DMD: variants seen among roughly 807,000 people sequenced by gnomAD.
The protein encoded by DMD is mutant dystrophin.
Under a neutral mutation model 330.1 loss-of-function variants are expected in DMD, and 63 were observed. The ratio of observed to expected loss-of-function variants is 0.19; its 90% CI spans 0.16 to 0.24. The LOEUF (loss-of-function observed/expected upper bound fraction) is 0.24, where lower values mean the gene tolerates loss of function less well. Among genes scored for constraint, DMD ranks in the 10% least tolerant of loss-of-function variants. The pLI is 1.00. For synonymous variants in DMD, 1,223 were observed against 959.8 expected (o/e 1.27, Z -5.07); for missense variants, 3,344 against 2,684.1 (o/e 1.25, Z -5.43).
intron 43 of DMD, among the ~76,000 whole-genome samples, chrX:32,252,677 AATATATAAATAT>A (rs1226095148): frequency 3.0e-5 from 1 of 33,576 alleles, no homozygotes; most frequent in Non-Finnish European, 4.8e-5. Context: ...TATATATATA[AATATATAAATAT>A]ATATATAAAT....
At chrX:32,407,838 C>T (rs1320092949) in intron 30 of DMD, among the ~76,000 whole-genome samples, 4 of 107,971 alleles carry the variant, frequency 3.7e-5, no homozygotes, top group Admixed American at 2.0e-4. Context: ...ATGGATGAAG[C>T]TGGAAACCAT....
rs1601918525 is a variant in DMD, at chrX:31,120,575, A to G, written c.*1344T>C. The G allele has an allele frequency of 8.9e-6, 1 of 112,026 alleles. No homozygotes were observed. Among genetic ancestry groups the G allele is most frequent in the East Asian group, 2.8e-4 (1 of 3,566 alleles). 9.2% of individuals were successfully genotyped at this position (112,026 alleles called of 1,213,427 possible). A position where few individuals can be genotyped will look rare whatever the true frequency, so the allele number is the denominator to read the frequency against. The stretch of plus-strand genomic sequence containing the variant: ...AATCTAAAAAAGCAACAAAAACCAA[A>G]CCACCCAGTTCCTTTTGACTGTGAG... On this transcript the variant is annotated 3_prime_UTR_variant, in exon 79 of 79. Coordinates refer to ENST00000357033, the MANE Select transcript of DMD (RefSeq NM_004006.3).
intron 55 of DMD, among the ~76,000 whole-genome samples, chrX:31,530,889 T>C (rs1242490315): frequency 4.8e-5 from 3 of 62,824 alleles, no homozygotes; most frequent in African/African-American, 1.3e-4. Context: ...TGTGATCTCA[T>C]TGTTCAATTC....
In DMD at chrX:32,844,822, G is replaced by C. The variant is rs770415559; in HGVS notation, c.225C>G (p.Asn75Lys). The C allele has an allele frequency of 8.3e-7, 1 of 1,211,498 alleles. No individual in the cohort carries two copies. The highest frequency in any genetic ancestry group is 1.1e-6 in the Non-Finnish European group (1 of 895,213). The change falls in exon 4 of 79, where the codon AAC (asparagine) becomes AAG (lysine). Residue 75 changes from asparagine to lysine, a missense_variant. Coordinates refer to ENST00000357033, the MANE Select transcript of DMD (RefSeq NM_004006.3). ...EKGSTRVHAL[N>K]NVNKALRVLQ... The stretch of plus-strand genomic sequence containing the variant: ...AAACCCGCAGTGCCTTGTTGACATT[G>C]TTCAGGGCATGAACTCTTGTGGATC...
intron 2 of DMD, among the ~76,000 whole-genome samples, chrX:32,926,162 T>G (rs1165026163): frequency 8.9e-6 from 1 of 111,887 alleles, no homozygotes; most frequent in Non-Finnish European, 1.9e-5. Flanking sequence ...TGGATAATCC[T>G]GGAGGAAGTT....
chrX:32,945,351 G>GT (rs1475890352), intron 2 of DMD, among the ~76,000 whole-genome samples: 2 of 110,748 alleles, frequency 1.8e-5, no homozygotes, highest in East Asian at 2.8e-4. Flanking sequence ...TTATTTCTAG[G>GT]TTTTTTCTTT....
At chrX:31,973,645 T>C (rs1183003766) in intron 44 of DMD, among the ~76,000 whole-genome samples, 1 of 111,329 alleles carries the variant, frequency 9.0e-6, no homozygotes, top group Non-Finnish European at 1.9e-5. Flanking sequence ...TCCTTGACGA[T>C]ACTGTTAAGT....
At chrX:32,887,037 A>T (rs2084656834) in intron 2 of DMD, among the ~76,000 whole-genome samples, 1 of 111,919 alleles carries the variant, frequency 8.9e-6, no homozygotes, top group Non-Finnish European at 1.9e-5. Context: ...CTTCCATTCA[A>T]TTGGGAATAT....
At chrX:32,034,300 G>A (rs1481926913) in intron 44 of DMD, among the ~76,000 whole-genome samples, 2 of 111,631 alleles carry the variant, frequency 1.8e-5, no homozygotes, top group African/African-American at 6.5e-5. Flanking sequence ...AACAAATTTA[G>A]CTTTAGAAAA....
At position 31,198,023 on chromosome X, in the gene DMD, TA is replaced by T. The variant is rs61065027; in HGVS notation, c.9807+5937del. ...CATGTTCTCACTCATGTGTGGGAGC[TA>T]AAAAAAAAAAAAAAAAAAAAAATTG... On this transcript the variant is annotated intron_variant, in intron 67 of 78. Coordinates refer to ENST00000357033, the MANE Select transcript of DMD (RefSeq NM_004006.3). Among the ~76,000 whole-genome samples the T allele has an allele frequency of 4.9e-3, 316 of 64,876 alleles. 4 individuals are homozygous for T. Among genetic ancestry groups the T allele is most frequent in the African/African-American group, 0.017 (284 of 17,121 alleles). The allele number at this position is 64,876 out of a possible 115,157, so 56.3% of individuals were successfully genotyped here. A position where few individuals can be genotyped will look rare whatever the true frequency, so the allele number is the denominator to read the frequency against.
At chrX:32,691,619 A>AC (rs2063287955) in intron 9 of DMD, among the ~76,000 whole-genome samples, 1 of 111,133 alleles carries the variant, frequency 9.0e-6, no homozygotes, top group South Asian at 3.8e-4. Flanking sequence ...AAAATTAAAA[A>AC]CAGAACTCCC....
intron 47 of DMD, among the ~76,000 whole-genome samples, chrX:31,904,651 C>T (rs1290041589): frequency 1.8e-5 from 2 of 111,514 alleles, no homozygotes; most frequent in Non-Finnish European, 3.8e-5. Flanking sequence ...AGACTACAGT[C>T]CAATAACCCA....
intron 4 of DMD, among the ~76,000 whole-genome samples, chrX:32,838,175 CTG>C (rs1376397312): frequency 1.4e-4 from 16 of 111,746 alleles, no homozygotes; most frequent in African/African-American, 3.6e-4. Flanking sequence ...TCGTTATTGA[CTG>C]TAACTTTCTT....
Position 31,177,931 on chromosome X carries a change from C to T in DMD, c.10262+1G>A, listed in dbSNP as rs145603325. 168 of 1,204,431 alleles carry T rather than the reference C, an allele frequency of 1.4e-4. No homozygotes were observed. The African/African-American group carries it at 1.9e-3, about 13-fold the overall frequency. ...CACCCTTCAGCAAAAAAAGTACTCA[C>T]GCAGAATCTACTGGCCAGAAGTTGA... On this transcript the variant is annotated splice_donor_variant, in intron 71 of 78. Transcript: ENST00000357033. LOFTEE classifies it high-confidence loss of function.
intron 1 of DMD, among the ~76,000 whole-genome samples, chrX:33,327,840 C>T (rs190108444): frequency 2.7e-5 from 3 of 111,789 alleles, no homozygotes; most frequent in Non-Finnish European, 1.9e-5. Flanking sequence ...CACTTAGGCT[C>T]AGCTTCTAGA....
chrX:32,741,022 C>T (rs1304405895), intron 7 of DMD, among the ~76,000 whole-genome samples: 2 of 111,341 alleles, frequency 1.8e-5, no homozygotes, highest in African/African-American at 3.3e-5. Context: ...TGTGTGTGTA[C>T]GTTTGTTTAA....
Position 32,693,581 on chromosome X carries a change from A to G in DMD, c.960+4289T>C, listed in dbSNP as rs193073727. 5.3e-4 allele frequency among the ~76,000 whole-genome samples: 59 copies of G among 111,276 alleles called. No homozygotes were observed. In the East Asian group the frequency reaches 0.011, roughly 22 times the overall value. On this transcript the variant is annotated intron_variant, in intron 9 of 78. Coordinates refer to ENST00000357033, the MANE Select transcript of DMD (RefSeq NM_004006.3). ...CAGCTTCCCAAGTAGCTGGGATTAC[A>G]GGTGTGTGCCACCACACTCGCTTAA...
chrX:31,162,050 T>C (rs968737942), intron 74 of DMD, among the ~76,000 whole-genome samples: 39 of 111,288 alleles, frequency 3.5e-4, no homozygotes, highest in Non-Finnish European at 6.4e-4. Context: ...TCTGATAGAA[T>C]AAATCATTCA....
chrX:32,912,699 T>C (rs1304600536), intron 2 of DMD, among the ~76,000 whole-genome samples: 1 of 111,451 alleles, frequency 9.0e-6, no homozygotes, highest in Admixed American at 9.6e-5. Context: ...TTCAAAAGCA[T>C]GCAGAGCAAG....
Sources: allele counts gnomAD v4.1 joint callset (sites outside exome capture counted in the v4.1 genomes callset), GRCh38; gene constraint gnomAD v4.1.1; transcripts MANE v1.5; gene names NCBI Gene and HGNC (gene_info 2026-07-23, HGNC 2026-07-21).